The following SF3A1 variants were observed in gnomAD, a reference collection of about 807,000 sequenced individuals.
SF3A1 encodes the protein splicing factor 3a subunit 1.
Under a neutral mutation model 89.9 loss-of-function variants are expected in SF3A1, and 13 were observed. The observed-to-expected ratio is 0.14, with a 90% confidence interval of 0.09 to 0.23. The LOEUF is 0.23. SF3A1 is among the 10% of genes least tolerant of loss of function. The pLI, the probability that SF3A1 is intolerant of heterozygous loss-of-function variation, is 1.00. For missense variants in SF3A1, 604 were observed against 1,022.1 expected (o/e 0.59, Z 5.58); for synonymous variants, 405 against 374.4 (o/e 1.08, Z -0.94).
chr22:30,338,353 G>A (rs1225062321), intron 11 of SF3A1, among the ~76,000 whole-genome samples: 1 of 151,812 alleles, frequency 6.6e-6, no homozygotes, highest in Non-Finnish European at 1.5e-5. Context: ...AGCTACTTGG[G>A]AGGCTGAGGC....
At chr22:30,334,901 A>T (rs890117044) in intron 15 of SF3A1, among the ~76,000 whole-genome samples, 47 of 152,096 alleles carry the variant, frequency 3.1e-4, no homozygotes, top group African/African-American at 1.0e-3. Context: ...CCCCTTTGTC[A>T]ACATTTGACT....
Position 30,338,773 on chromosome 22 carries a change from G to A in SF3A1, c.1743+16C>T. 2 of 1,613,718 alleles carry A rather than the reference G, an allele frequency of 1.2e-6. No homozygotes were observed. The highest frequency in any genetic ancestry group is 2.2e-5 in the East Asian group (1 of 44,882). ...AAGCTCTAAAAAAGTCAGTTCCAGGGTAGATGCTGGCTTACTGTGGGTGGT... is the reference window on the plus strand; with the variant it reads ...AAGCTCTAAAAAAGTCAGTTCCAGGATAGATGCTGGCTTACTGTGGGTGGT... On this transcript the variant is annotated intron_variant, in intron 11 of 15. Transcript: ENST00000215793.
chr22:30,342,013 C>G lies in SF3A1; in HGVS notation c.878-128G>C. ...CTATCTCCAGAGGCCCATCTAGGGTCTGGCAAGTACGTATTGAATCTAAGT... is the reference window on the plus strand; with the variant it reads ...CTATCTCCAGAGGCCCATCTAGGGTGTGGCAAGTACGTATTGAATCTAAGT... On this transcript the variant is annotated intron_variant, in intron 6 of 15. Coordinates refer to ENST00000215793, the MANE Select transcript of SF3A1 (RefSeq NM_005877.6). 4.3e-6 allele frequency: 5 copies of G among 1,175,356 alleles called. No homozygotes were observed. The South Asian group carries it at 5.7e-5, about 13-fold the overall frequency. The allele number at this position is 1,175,356 out of a possible 1,614,324, so 72.8% of individuals were successfully genotyped here.
intron 9 of SF3A1, 119 bp from the exon 10 acceptor site, chr22:30,339,370 T>G: frequency 4.9e-6 from 6 of 1,231,220 alleles, no homozygotes; most frequent in Non-Finnish European, 6.9e-6. Context: ...TGAGGGTGAC[T>G]CAGGGCCCCA....
Position 30,341,556 on chromosome 22 carries a change from AGCTGTATGGC to A in SF3A1, c.1071+126_1071+135del. 1.8e-5 allele frequency: 8 copies of A among 442,288 alleles called. 2 individuals are homozygous for A. Among genetic ancestry groups the A allele is most frequent in the South Asian group, 4.7e-5 (2 of 42,680 alleles). 27.4% of individuals were successfully genotyped at this position (442,288 alleles called of 1,614,324 possible). On this transcript the variant is annotated intron_variant, in intron 7 of 15. Coordinates refer to ENST00000215793, the MANE Select transcript of SF3A1 (RefSeq NM_005877.6). ...GGCTCTGTGCTGCCTGGACTTGGGC[AGCTGTATGGC>A]CTTGTTCAGGACCCACGCCTCCTTT...
At chr22:30,339,835 CAG>C (rs1195034842) in intron 9 of SF3A1, among the ~76,000 whole-genome samples, 1 of 152,190 alleles carries the variant, frequency 6.6e-6, no homozygotes, top group Non-Finnish European at 1.5e-5. Flanking sequence ...GTGTAAGTGG[CAG>C]AGTCAAAACT....
chr22:30,341,938 G>A lies in SF3A1; in HGVS notation c.878-53C>T. On this transcript the variant is annotated intron_variant, in intron 6 of 15. Coordinates refer to ENST00000215793, the MANE Select transcript of SF3A1 (RefSeq NM_005877.6). Reference sequence around the variant, plus strand: ...TTCCTTATCAAAGACCCACCTATTTGCCCTGTCTGAGCTCCCCAAGGGCTG... The same window carrying A: ...TTCCTTATCAAAGACCCACCTATTTACCCTGTCTGAGCTCCCCAAGGGCTG... 3.2e-6 allele frequency: 5 copies of A among 1,555,024 alleles called. No individual in the cohort carries two copies. The Admixed American group carries it at 5.2e-5, about 16-fold the overall frequency.
chr22:30,340,445 T>C, intron 8 of SF3A1, 64 bp from the exon 9 acceptor site: 1 of 1,492,600 alleles, frequency 6.7e-7, no homozygotes, highest in Non-Finnish European at 9.3e-7. Context: ...AAGAGGGTGG[T>C]ATTTCATGCG....
intron 3 of SF3A1, 158 bp downstream of exon 3, chr22:30,346,154 T>A (rs953288020): frequency 3.2e-6 from 2 of 628,552 alleles, no homozygotes; most frequent in Non-Finnish European, 5.7e-6. Flanking sequence ...CATCAGTACT[T>A]TGCTGTCTGG....
In SF3A1 at chr22:30,337,852, T is replaced by C. The variant is rs1451310986; in HGVS notation, c.1789A>G (p.Met597Val). ...ACAGATGCCATTGGGGGCCGGGGCA[T>C]GACGGGTACTGCGGAGACAACTGTA... ...RTTVVSAVPV[M>V]PRPPMASVVR... Residue 597 changes from methionine (M) to valine (V), a missense_variant, in exon 12 of 16, where the codon ATG becomes GTG. By Grantham distance (21) the Met-to-Val change is conservative. Coordinates refer to ENST00000215793, the MANE Select transcript of SF3A1 (RefSeq NM_005877.6). 14 of 1,609,054 alleles carry C rather than the reference T, an allele frequency of 8.7e-6. No individual in the cohort carries two copies. The highest frequency in any genetic ancestry group is 1.7e-5 in the Admixed American group (1 of 59,400).
intron 4 of SF3A1, 151 bp from the exon 5 acceptor site, chr22:30,343,030 C>A: frequency 1.8e-6 from 1 of 552,698 alleles, no homozygotes; most frequent in Non-Finnish European, 3.2e-6. Flanking sequence ...GGACTTAGGG[C>A]AAGTTACTTA....
At chr22:30,354,418 A>C (rs974860301) in intron 1 of SF3A1, among the ~76,000 whole-genome samples, 1 of 152,078 alleles carries the variant, frequency 6.6e-6, no homozygotes, top group African/African-American at 2.4e-5. Context: ...CCTAGGCCCC[A>C]TTCTTGCCTG....
chr22:30,333,540 C>T lies in SF3A1; in HGVS notation c.*1054G>A, dbSNP rs962621569. On this transcript the variant is annotated 3_prime_UTR_variant, in exon 16 of 16. Coordinates refer to ENST00000215793, the MANE Select transcript of SF3A1 (RefSeq NM_005877.6). ...CTTGATTCTAAAGATAACAGCCTGCCTTTACTCAGAAACCAGGACTGTGAC... is the reference window on the plus strand; with the variant it reads ...CTTGATTCTAAAGATAACAGCCTGCTTTTACTCAGAAACCAGGACTGTGAC... 11 of 152,240 alleles carry T rather than the reference C, an allele frequency of 7.2e-5. No individual in the cohort carries two copies. Among genetic ancestry groups the T allele is most frequent in the African/African-American group, 2.4e-4 (10 of 41,468 alleles). 9.4% of individuals were successfully genotyped at this position (152,240 alleles called of 1,614,324 possible).
At chr22:30,346,673 C>A (rs578103558) in intron 2 of SF3A1, among the ~76,000 whole-genome samples, 154 bp from the exon 3 acceptor site, 15 of 152,246 alleles carry the variant, frequency 9.9e-5, no homozygotes, top group African/African-American at 3.4e-4. Context: ...CTGGCATTGG[C>A]GATCAGTGCC....
chr22:30,356,545 A>T, intron 1 of SF3A1, 185 bp downstream of exon 1: 1 of 437,272 alleles, frequency 2.3e-6, no homozygotes, highest in Non-Finnish European at 3.9e-6. Flanking sequence ...CGGACCACTT[A>T]GAGAATCCCG....
chr22:30,356,838 G>C lies in SF3A1; in HGVS notation c.-46C>G. The C allele has an allele frequency of 7.7e-7, 1 of 1,299,354 alleles. No homozygotes were observed. The highest frequency in any genetic ancestry group is 9.8e-7 in the Non-Finnish European group (1 of 1,016,012). 80.5% of individuals were successfully genotyped at this position (1,299,354 alleles called of 1,614,324 possible). A position where few individuals can be genotyped will look rare whatever the true frequency, so the allele number is the denominator to read the frequency against. ...CCAGTCCGCCTCGGTGTCGGTGAGC[G>C]GTGCCGCCTCAAGACAGCCTCCCCG... On this transcript the variant is annotated 5_prime_UTR_variant, in exon 1 of 16. Transcript: ENST00000215793.
rs1931895461 is a variant in SF3A1, at chr22:30,356,828, G to A, written c.-36C>T. 3 of 1,315,258 alleles carry A rather than the reference G, an allele frequency of 2.3e-6. No individual in the cohort carries two copies. Among genetic ancestry groups the A allele is most frequent in the Non-Finnish European group, 2.0e-6 (2 of 1,024,154 alleles). The allele number at this position is 1,315,258 out of a possible 1,614,324, so 81.5% of individuals were successfully genotyped here. A position where few individuals can be genotyped will look rare whatever the true frequency, so the allele number is the denominator to read the frequency against. The stretch of plus-strand genomic sequence containing the variant: ...CTCAGGGCTGCCAGTCCGCCTCGGT[G>A]TCGGTGAGCGGTGCCGCCTCAAGAC... On this transcript the variant is annotated 5_prime_UTR_variant, in exon 1 of 16. Coordinates refer to ENST00000215793, the MANE Select transcript of SF3A1 (RefSeq NM_005877.6).
At chr22:30,337,212 A>G (rs1386254703) in intron 12 of SF3A1, 32 bp from the exon 13 acceptor site, 4 of 1,573,248 alleles carry the variant, frequency 2.5e-6, no homozygotes, top group Non-Finnish European at 3.4e-6. Context: ...GCCCCATGAG[A>G]GGGCAGAAGG....
chr22:30,354,225 C>A (rs1307482405), intron 1 of SF3A1, among the ~76,000 whole-genome samples: 1 of 152,176 alleles, frequency 6.6e-6, no homozygotes, highest in Non-Finnish European at 1.5e-5. Context: ...CTGCCGCTGC[C>A]TTCTCCCACA....
Sources: allele counts gnomAD v4.1 joint callset (sites outside exome capture counted in the v4.1 genomes callset), GRCh38; gene constraint gnomAD v4.1.1; transcripts MANE v1.5; gene names NCBI Gene and HGNC (gene_info 2026-07-23, HGNC 2026-07-21).